The following ATAD2B variants were observed in gnomAD, a reference collection of about 807,000 sequenced individuals.
ATAD2B encodes ATPase family AAA domain containing 2B.
ATAD2B carries 40 observed loss-of-function variants against 167.6 expected under a neutral mutation model. That is an observed-to-expected ratio of 0.24 (90% confidence interval 0.19 to 0.31). The LOEUF (loss-of-function observed/expected upper bound fraction) is 0.31, where lower values mean the gene tolerates loss of function less well. Ranked by LOEUF, ATAD2B falls within the 10% of genes least tolerant of loss-of-function variation. The pLI, the probability that ATAD2B is intolerant of heterozygous loss-of-function variation, is 1.00. For synonymous variants in ATAD2B, 579 were observed against 596.5 expected (o/e 0.97, Z 0.43); for missense variants, 1,242 against 1,757.2 (o/e 0.71, Z 5.24).
At chr2:23,748,302 A>G (rs191502117), downstream of ATAD2B, among the ~76,000 whole-genome samples, 1 of 152,296 alleles carries the variant, frequency 6.6e-6, no homozygotes, top group Admixed American at 6.5e-5. Context: ...TACTGTACAA[A>G]GTATACTGAT....
intron 1 of ATAD2B, among the ~76,000 whole-genome samples, chr2:23,916,195 A>C (rs1365020326): frequency 6.6e-6 from 1 of 152,246 alleles, no homozygotes; most frequent in Non-Finnish European, 1.5e-5. Flanking sequence ...GAATAGTTTT[A>C]GGTTAGGCTA....
intron 6 of ATAD2B, among the ~76,000 whole-genome samples, chr2:23,882,172 G>A (rs1698006168): frequency 6.6e-6 from 1 of 151,950 alleles, no homozygotes; most frequent in Admixed American, 6.6e-5. Context: ...TCAGCCTGGG[G>A]CAACATAGCA....
chr2:23,923,571 T>C (rs1023818040), intron 1 of ATAD2B, among the ~76,000 whole-genome samples: 2 of 151,638 alleles, frequency 1.3e-5, no homozygotes, highest in African/African-American at 4.9e-5. Flanking sequence ...ATGGTGTTGA[T>C]GCGGTGGTGT....
At chr2:23,747,752 C>T (rs1480660563), downstream of ATAD2B, among the ~76,000 whole-genome samples, 1 of 152,024 alleles carries the variant, frequency 6.6e-6, no homozygotes, top group Admixed American at 6.6e-5. Context: ...AGGCACATAA[C>T]AAACATATAC....
intron 17 of ATAD2B, among the ~76,000 whole-genome samples, chr2:23,812,250 GA>G (rs1685711309): frequency 6.8e-6 from 1 of 146,690 alleles, no homozygotes; most frequent in African/African-American, 2.5e-5. Context: ...AAAATCAATA[GA>G]TTTCCTAAAC....
intron 13 of ATAD2B, among the ~76,000 whole-genome samples, chr2:23,851,144 T>C (rs1472918995): frequency 2.6e-5 from 4 of 152,188 alleles, no homozygotes; most frequent in Non-Finnish European, 4.4e-5. Flanking sequence ...CCCAGTTTTA[T>C]AGAGATTTTT....
At chr2:23,809,624 C>T (rs1039073863) in intron 18 of ATAD2B, among the ~76,000 whole-genome samples, 1 of 152,070 alleles carries the variant, frequency 6.6e-6, no homozygotes, top group African/African-American at 2.4e-5. Flanking sequence ...TTATTTGAAA[C>T]ATTATTATTC....
At chr2:23,730,451 G>A in the ATAD2B span, among the ~76,000 whole-genome samples, 1 of 151,854 alleles carries the variant, frequency 6.6e-6, no homozygotes, top group Admixed American at 6.6e-5. Context: ...CGGATCACAA[G>A]GTCAGGAGAT....
chr2:23,762,451 A>G (rs1022202544), intron 23 of ATAD2B, 105 bp from the exon 24 acceptor site: 45 of 1,229,506 alleles, frequency 3.7e-5, no homozygotes, highest in Admixed American at 1.8e-4. Flanking sequence ...AAAGTCATTA[A>G]TTATACTAGG....
chr2:23,778,543 T>A (rs371933358), intron 22 of ATAD2B, among the ~76,000 whole-genome samples: 1 of 152,066 alleles, frequency 6.6e-6, no homozygotes, highest in Non-Finnish European at 1.5e-5. Flanking sequence ...AACCAACTTA[T>A]AAAAAAATTA....
At chr2:23,804,552 C>G (rs1684029630) in intron 18 of ATAD2B, among the ~76,000 whole-genome samples, 1 of 151,852 alleles carries the variant, frequency 6.6e-6, no homozygotes, top group South Asian at 2.1e-4. Context: ...AGTGACACCT[C>G]TCTCCTTCCC....
chr2:23,820,600 T>C (rs1467020788), intron 16 of ATAD2B, among the ~76,000 whole-genome samples: 1 of 152,216 alleles, frequency 6.6e-6, no homozygotes, highest in African/African-American at 2.4e-5. Flanking sequence ...GCTACATGTG[T>C]ACGGGATATG....
intron 18 of ATAD2B, among the ~76,000 whole-genome samples, chr2:23,804,914 G>A (rs1684119217): frequency 6.6e-6 from 1 of 151,848 alleles, no homozygotes; most frequent in African/African-American, 2.4e-5. Flanking sequence ...AGGCAGAGGC[G>A]GGTAGATCAC....
downstream of ATAD2B, among the ~76,000 whole-genome samples, chr2:23,745,790 G>A (rs112282879): frequency 2.0e-5 from 3 of 152,192 alleles, no homozygotes; most frequent in African/African-American, 7.2e-5. Flanking sequence ...ACCACTGTTA[G>A]GTAACATGTT....
At chr2:23,778,608 T>C (rs941291199) in intron 22 of ATAD2B, among the ~76,000 whole-genome samples, 3 of 152,204 alleles carry the variant, frequency 2.0e-5, no homozygotes, top group African/African-American at 4.8e-5. Context: ...CTAACCTTTA[T>C]GGAACTCTTA....
intron 13 of ATAD2B, among the ~76,000 whole-genome samples, chr2:23,840,832 T>G (rs1254530495): frequency 6.6e-6 from 1 of 152,242 alleles, no homozygotes; most frequent in Admixed American, 6.5e-5. Flanking sequence ...GATGATCAAT[T>G]TGACTCTTCT....
the ATAD2B span, chr2:23,707,462 C>G: frequency 1.1e-4 from 16 of 152,310 alleles, no homozygotes; most frequent in African/African-American, 3.8e-4. Flanking sequence ...TCCCAAAGCT[C>G]TTTGTAGGTA....
chr2:23,875,750 G>A, intron 8 of ATAD2B, 79 bp downstream of exon 8: 1 of 913,130 alleles, frequency 1.1e-6, no homozygotes, highest in South Asian at 1.5e-5. Context: ...ACAACTGTTA[G>A]TCACTAATTA....
chr2:23,860,603 G>C (rs1190063923), intron 12 of ATAD2B, among the ~76,000 whole-genome samples: 1 of 152,206 alleles, frequency 6.6e-6, no homozygotes, highest in East Asian at 1.9e-4. Context: ...AGTTTACTAA[G>C]GAAGAGAGAT....
Sources: allele counts gnomAD v4.1 joint callset (sites outside exome capture counted in the v4.1 genomes callset), GRCh38; gene constraint gnomAD v4.1.1; transcripts MANE v1.5; gene names NCBI Gene and HGNC (gene_info 2026-07-23, HGNC 2026-07-21).